Variants in CYRIA observed in about 807,000 individuals in gnomAD.
The protein encoded by CYRIA is CYFIP related Rac1 interactor A.
In CYRIA, 15 loss-of-function variants were observed where a neutral mutation model predicts 43.9. That is an observed-to-expected ratio of 0.34 (90% CI 0.23 to 0.53). The LOEUF (loss-of-function observed/expected upper bound fraction) is 0.53. CYRIA is among the 20% of genes least tolerant of loss of function. The probability of loss-of-function intolerance (pLI) is 0.94; values close to 1 mark genes in which losing one functional copy is unlikely to be tolerated. For synonymous variants in CYRIA, 117 were observed against 136.0 expected (o/e 0.86, Z 0.97); for missense variants, 236 against 394.2 (o/e 0.60, Z 3.40).
chr2:16,588,090 C>G lies in CYRIA; in HGVS notation c.30G>C (p.Arg10Ser). Reference protein sequence around the residue: MGNLLKVLTREIENYPHFFL... With the variant: MGNLLKVLTSEIENYPHFFL... ...AAAAGTGTGGATAGTTTTCAATTTC[C>G]CTGGTAAGGACTTTGAGCAGGTTTC... Residue 10 changes from arginine to serine, a missense_variant, in exon 3 of 12, where the codon AGG becomes AGC. Physicochemically the swap from Arg to Ser is moderately radical, Grantham distance 110. Around this residue, in one of 3 missense-constraint regions of CYRIA, gnomAD observed 193 missense variants for 303.9 expected, o/e 0.64. Transcript: ENST00000381323. The G allele has an allele frequency of 6.2e-7, 1 of 1,607,196 alleles. No individual in the cohort carries two copies. Among genetic ancestry groups the G allele is most frequent in the Non-Finnish European group, 8.5e-7 (1 of 1,176,602 alleles).
intron 3 of CYRIA, among the ~76,000 whole-genome samples, chr2:16,574,548 G>T (rs1189385786): frequency 1.3e-5 from 2 of 152,206 alleles, no homozygotes; most frequent in African/African-American, 4.8e-5. Context: ...AAATGGTTTT[G>T]CGGGCCAGGC....
At position 16,618,179 on chromosome 2, in the gene CYRIA, G is replaced by A. The variant is rs1269954009; in HGVS notation, c.-11+5685C>T. On this transcript the variant is annotated intron_variant, in intron 2 of 11. Coordinates refer to ENST00000381323, the MANE Select transcript of CYRIA (RefSeq NM_030797.4). ...AGGACTACAGAGCCCAGGCCAGGAT[G>A]AGAGTGTGCTCGAAACTGCCTCAGT... Among the ~76,000 whole-genome samples, 5 of 152,206 alleles carry A rather than the reference G, an allele frequency of 3.3e-5. No homozygotes were observed. The South Asian group carries it at 6.2e-4, about 19-fold the overall frequency.
chr2:16,584,164 G>C (rs1667645940), intron 3 of CYRIA, among the ~76,000 whole-genome samples: 1 of 152,114 alleles, frequency 6.6e-6, no homozygotes, highest in Non-Finnish European at 1.5e-5. Context: ...TCCCCTAGGG[G>C]CCACTAGTGA....
chr2:16,633,638 C>A (rs963176432), intron 1 of CYRIA, among the ~76,000 whole-genome samples: 1 of 143,540 alleles, frequency 7.0e-6, no homozygotes, highest in Non-Finnish European at 1.5e-5. Context: ...GTCTCAGCCT[C>A]CCACGGTGCT....
rs115016484 is a variant in CYRIA at position 16,646,245 on chromosome 2, C to T, written c.-167+19535G>A. 6.5e-3 allele frequency among the ~76,000 whole-genome samples: 987 copies of T among 152,316 alleles called. 8 individuals carry two copies. The highest frequency in any genetic ancestry group is 0.023 in the African/African-American group (959 of 41,566). ...TCAAGATGTCTAGAGTTCATCCTCC[C>T]CCACCAGGCCACTACCCTGTGGCTA... On this transcript the variant is annotated intron_variant, in intron 1 of 11. Transcript: ENST00000381323.
chr2:16,590,452 T>C (rs564217675), intron 2 of CYRIA, among the ~76,000 whole-genome samples: 1 of 152,172 alleles, frequency 6.6e-6, no homozygotes, highest in Non-Finnish European at 1.5e-5. Flanking sequence ...TTCTTAGGTG[T>C]CTTAGTTTTG....
At chr2:16,629,212 A>G (rs1332277209) in intron 1 of CYRIA, among the ~76,000 whole-genome samples, 3 of 152,168 alleles carry the variant, frequency 2.0e-5, no homozygotes, top group African/African-American at 4.8e-5. Flanking sequence ...TCTCTAAGAC[A>G]AGGCCTGGCC....
At chr2:16,579,418 T>G (rs971466427) in intron 3 of CYRIA, among the ~76,000 whole-genome samples, 2 of 89,560 alleles carry the variant, frequency 2.2e-5, no homozygotes, top group African/African-American at 8.0e-5. Flanking sequence ...CACATGCACA[T>G]GCACACACAC....
At chr2:16,562,362 G>C (rs1208540048) in intron 5 of CYRIA, among the ~76,000 whole-genome samples, 1 of 152,136 alleles carries the variant, frequency 6.6e-6, no homozygotes, top group Admixed American at 6.5e-5. Flanking sequence ...ACAGTGTTTT[G>C]TAAATTTCTT....
intron 1 of CYRIA, among the ~76,000 whole-genome samples, chr2:16,640,050 A>C (rs919217053): frequency 1.3e-5 from 2 of 152,232 alleles, no homozygotes; most frequent in African/African-American, 4.8e-5. Flanking sequence ...ATAAAAGATG[A>C]GGCTGAATCC....
chr2:16,622,631 C>A (rs1207695544), intron 2 of CYRIA, among the ~76,000 whole-genome samples: 1 of 152,192 alleles, frequency 6.6e-6, no homozygotes, highest in Non-Finnish European at 1.5e-5. Flanking sequence ...TGTACTATCC[C>A]TACCTTACAG....
chr2:16,611,749 C>T (rs1668610656), intron 2 of CYRIA, among the ~76,000 whole-genome samples: 1 of 147,838 alleles, frequency 6.8e-6, no homozygotes, highest in Non-Finnish European at 1.5e-5. Flanking sequence ...CTGCTGAGAT[C>T]ACACGTACTG....
chr2:16,575,282 G>C (rs751346433), intron 3 of CYRIA, among the ~76,000 whole-genome samples: 15 of 152,190 alleles, frequency 9.9e-5, no homozygotes, highest in Non-Finnish European at 1.9e-4. Flanking sequence ...TCCCAGATGA[G>C]ACTTTGGTCT....
chr2:16,615,205 A>G (rs1227659316), intron 2 of CYRIA, among the ~76,000 whole-genome samples: 1 of 152,184 alleles, frequency 6.6e-6, no homozygotes, highest in African/African-American at 2.4e-5. Context: ...TGCTGAACGC[A>G]AGTCTATGTT....
At chr2:16,625,249 G>A (rs778014269) in intron 1 of CYRIA, among the ~76,000 whole-genome samples, 4 of 152,164 alleles carry the variant, frequency 2.6e-5, no homozygotes, top group Non-Finnish European at 5.9e-5. Flanking sequence ...CCCAGAGGCT[G>A]GGCTGGTTCT....
At chr2:16,578,656 A>G (rs1345670964) in intron 3 of CYRIA, among the ~76,000 whole-genome samples, 1 of 152,182 alleles carries the variant, frequency 6.6e-6, no homozygotes, top group Non-Finnish European at 1.5e-5. Flanking sequence ...GCTCCTTGAT[A>G]CATTTATCAT....
At chr2:16,626,876 T>G (rs1669184462) in intron 1 of CYRIA, among the ~76,000 whole-genome samples, 1 of 152,200 alleles carries the variant, frequency 6.6e-6, no homozygotes, top group Non-Finnish European at 1.5e-5. Context: ...AATCAGGAGT[T>G]TGCCCTTCTG....
intron 1 of CYRIA, among the ~76,000 whole-genome samples, chr2:16,640,476 T>C (rs6707363): frequency 0.19 from 28,368 of 152,210 alleles, 2,770 homozygotes; most frequent in Middle Eastern, 0.29. Context: ...TCTGGCACAA[T>C]TGGCCAAGCG....
intron 3 of CYRIA, among the ~76,000 whole-genome samples, chr2:16,586,608 T>C (rs1331811536): frequency 6.6e-6 from 1 of 151,094 alleles, no homozygotes; most frequent in East Asian, 1.9e-4. Flanking sequence ...TGGGGACACT[T>C]TTCCTTTTCA....
Sources: allele counts gnomAD v4.1 joint callset (sites outside exome capture counted in the v4.1 genomes callset), GRCh38; gene constraint gnomAD v4.1.1; regional missense constraint gnomAD v4.1.1; transcripts MANE v1.5; gene names NCBI Gene and HGNC (gene_info 2026-07-23, HGNC 2026-07-21).